The following ZNF90 variants were observed in gnomAD, a reference collection of about 807,000 sequenced individuals.
ZNF90 encodes the protein zinc finger protein 90.
Under a neutral mutation model 12.0 loss-of-function variants are expected in ZNF90, and 11 were observed. That is an observed-to-expected ratio of 0.92 (90% CI 0.58 to 1.52). ZNF90 has a LOEUF of 1.52. Ranked by LOEUF, ZNF90 falls within the 40% of genes most tolerant of loss-of-function variation. The pLI, the probability that ZNF90 is intolerant of heterozygous loss-of-function variation, is 0.00. For missense variants in ZNF90, 765 were observed against 711.5 expected (o/e 1.08, Z -0.86); for synonymous variants, 232 against 240.1 (o/e 0.97, Z 0.31).
chr19:20,103,063 T>G (rs1292878926), intron 1 of ZNF90, among the ~76,000 whole-genome samples: 2 of 152,182 alleles, frequency 1.3e-5, no homozygotes, highest in Non-Finnish European at 2.9e-5. Flanking sequence ...TCTGATGGAC[T>G]CAATCCTTTG....
At chr19:20,089,561 G>A (rs2088885802) in intron 1 of ZNF90, among the ~76,000 whole-genome samples, 1 of 152,150 alleles carries the variant, frequency 6.6e-6, no homozygotes, top group South Asian at 2.1e-4. Context: ...GATACATAAA[G>A]GAGTGGCCAC....
At chr19:20,104,534 C>T (rs1335012768) in intron 2 of ZNF90, among the ~76,000 whole-genome samples, 169 bp downstream of exon 2, 3 of 152,150 alleles carry the variant, frequency 2.0e-5, no homozygotes, top group Non-Finnish European at 4.4e-5. Flanking sequence ...CAAGATGTTT[C>T]ATCTTAATTT....
rs150141460 is a variant in ZNF90 at position 20,117,920 on chromosome 19, G to A, written c.366G>A (p.Glu122=). The A allele has an allele frequency of 3.1e-4, 507 of 1,613,236 alleles. No individual in the cohort carries two copies. In the African/African-American group the frequency reaches 5.7e-3, roughly 18 times the overall value. Residue 122 remains glutamate (E), a synonymous_variant, in exon 4 of 4, where the codon GAG becomes GAA. Transcript: ENST00000418063. ...AAAAAGGTTGTGAAAGTGTGGATGA[G>A]GGTAAAGTACACAAAAGAGGTTATA... ...ELKKGCESVD[E]GKVHKRGYNG... is the part of the protein sequence containing the mutation.
Position 20,117,904 on chromosome 19 carries a change from G to A in ZNF90, c.350G>A (p.Cys117Tyr), listed in dbSNP as rs782798011. The change falls in exon 4 of 4, where the codon TGT becomes TAT. Residue 117 changes from cysteine (C) to tyrosine (Y), a missense_variant. Coordinates refer to ENST00000418063, the MANE Select transcript of ZNF90 (RefSeq NM_007138.2). ...EYGNLELKKG[C>Y]ESVDEGKVHK... ...GGCAATTTAGAGTTAAAAAAAGGTT[G>A]TGAAAGTGTGGATGAGGGTAAAGTA... The A allele has an allele frequency of 6.8e-6, 11 of 1,612,420 alleles. No homozygotes were observed. The Admixed American group carries it at 1.5e-4, about 22-fold the overall frequency.
chr19:20,080,352 C>A (rs909709573), intron 1 of ZNF90: 4 of 468,446 alleles, frequency 8.5e-6, no homozygotes, highest in East Asian at 1.1e-4. Context: ...AGGAGAAATT[C>A]CCCCGTCCAG....
chr19:20,097,952 C>T (rs1187500710), intron 1 of ZNF90, among the ~76,000 whole-genome samples: 2 of 152,088 alleles, frequency 1.3e-5, no homozygotes, highest in Non-Finnish European at 2.9e-5. Context: ...TTGTGTCAGC[C>T]CACTCTGTGT....
Position 20,119,521 on chromosome 19 carries a change from C to T in ZNF90, c.*161C>T. ...TACAAAAATAAAGAATGTGACAAAT[C>T]ATTTTAAGGAAGTTCTCAACCCTTA... On this transcript the variant is annotated 3_prime_UTR_variant, in exon 4 of 4. Coordinates refer to ENST00000418063, the MANE Select transcript of ZNF90 (RefSeq NM_007138.2). 9 of 690,740 alleles carry T rather than the reference C, an allele frequency of 1.3e-5. No individual in the cohort carries two copies. In the South Asian group the frequency reaches 1.7e-4, roughly 13 times the overall value. 42.8% of individuals were successfully genotyped at this position (690,740 alleles called of 1,614,324 possible). A position where few individuals can be genotyped will look rare whatever the true frequency, so the allele number is the denominator to read the frequency against.
intron 1 of ZNF90, among the ~76,000 whole-genome samples, chr19:20,098,678 GGCCATGA>G (rs1555703484): frequency 6.6e-6 from 1 of 152,144 alleles, no homozygotes; most frequent in Non-Finnish European, 1.5e-5. Flanking sequence ...CTTATCATTG[GGCCATGA>G]GCCCAGGGTC....
intron 1 of ZNF90, among the ~76,000 whole-genome samples, chr19:20,089,384 A>AT (rs1332385633): frequency 2.6e-5 from 4 of 152,106 alleles, no homozygotes; most frequent in Non-Finnish European, 4.4e-5. Context: ...ATTGCTGCGA[A>AT]TTTTTTTAAG....
At chr19:20,087,131 C>T (rs969056357) in intron 1 of ZNF90, 1 of 151,950 alleles carries the variant, frequency 6.6e-6, no homozygotes, top group Non-Finnish European at 1.5e-5. Flanking sequence ...TTCTTAAGAT[C>T]TGCCTCCTTC....
chr19:20,105,032 C>CA (rs1326020179), intron 2 of ZNF90, among the ~76,000 whole-genome samples, 189 bp from the exon 3 acceptor site: 2 of 152,022 alleles, frequency 1.3e-5, no homozygotes, highest in South Asian at 2.1e-4. Context: ...CAAAACAAAA[C>CA]AAAAAACCAC....
At chr19:20,110,525 AAGT>A (rs879960160) in intron 3 of ZNF90, among the ~76,000 whole-genome samples, 9 of 152,068 alleles carry the variant, frequency 5.9e-5, no homozygotes, top group Non-Finnish European at 8.8e-5. Context: ...TCAGCCTCCC[AAGT>A]TGCTAGATTT....
chr19:20,119,230 A>T lies in ZNF90; in HGVS notation c.1676A>T (p.His559Leu). 1 of 1,613,914 alleles carries T rather than the reference A, an allele frequency of 6.2e-7. No individual in the cohort carries two copies. Among genetic ancestry groups the T allele is most frequent in the Non-Finnish European group, 8.5e-7 (1 of 1,179,944 alleles). ...CAGCTTACTAGTCATAAGATAAGTC[A>T]TACTGGAGAGAAACCCTACAAATGT... ...SSQLTSHKIS[H>L]TGEKPYKCEE... Residue 559 changes from histidine (H) to leucine (L), a missense_variant, in exon 4 of 4, where the codon CAT (histidine) becomes CTT (leucine). Physicochemically the swap from His to Leu is moderately conservative, Grantham distance 99. Transcript: ENST00000418063.
intron 1 of ZNF90, among the ~76,000 whole-genome samples, chr19:20,083,293 C>A (rs1367314176): frequency 6.6e-6 from 1 of 151,986 alleles, no homozygotes; most frequent in East Asian, 1.9e-4. Flanking sequence ...GAGGGGCAGG[C>A]CACCCCTTTA....
chr19:20,106,120 A>G (rs903731665), intron 3 of ZNF90, among the ~76,000 whole-genome samples: 5 of 135,598 alleles, frequency 3.7e-5, no homozygotes, highest in African/African-American at 1.1e-4. Context: ...AATTTATTCA[A>G]TGCTATAGTA....
rs2089182235 is a variant in ZNF90, at chr19:20,119,997, A to G, written c.*637A>G. On this transcript the variant is annotated 3_prime_UTR_variant, in exon 4 of 4. Transcript: ENST00000418063. Reference sequence around the variant, plus strand: ...CCACCTCCAACTTTTCTGTACATAAAGATGATTATACTAGTGTGAAACCCT... The same window carrying G: ...CCACCTCCAACTTTTCTGTACATAAGGATGATTATACTAGTGTGAAACCCT... 6.6e-6 allele frequency among the ~76,000 whole-genome samples: 1 copy of G among 152,220 alleles called. No individual in the cohort carries two copies. The highest frequency in any genetic ancestry group is 1.5e-5 in the Non-Finnish European group (1 of 68,032).
chr19:20,106,737 G>A (rs908586198), intron 3 of ZNF90, among the ~76,000 whole-genome samples: 1 of 152,206 alleles, frequency 6.6e-6, no homozygotes, highest in Non-Finnish European at 1.5e-5. Flanking sequence ...ACAGGCGTGA[G>A]CCACTGCGCC....
At chr19:20,079,088 C>T (rs1418626797) in intron 1 of ZNF90, among the ~76,000 whole-genome samples, 1 of 144,376 alleles carries the variant, frequency 6.9e-6, no homozygotes, top group African/African-American at 2.6e-5. Context: ...CATCGCGCTC[C>T]AGCATGCGCG....
intron 3 of ZNF90, among the ~76,000 whole-genome samples, chr19:20,107,646 T>C (rs1353249502): frequency 6.6e-6 from 1 of 151,968 alleles, no homozygotes; most frequent in Non-Finnish European, 1.5e-5. Flanking sequence ...GATGGCTGAC[T>C]TTTTTTTGCT....
Sources: allele counts gnomAD v4.1 joint callset (sites outside exome capture counted in the v4.1 genomes callset), GRCh38; gene constraint gnomAD v4.1.1; transcripts MANE v1.5; gene names NCBI Gene and HGNC (gene_info 2026-07-23, HGNC 2026-07-21).